SARDH: variants seen among roughly 807,000 people sequenced by gnomAD.
SARDH encodes sarcosine dehydrogenase, mitochondrial.
SARDH carries 95 observed loss-of-function variants against 109.1 expected under a neutral mutation model. The ratio of observed to expected loss-of-function variants is 0.87; its 90% CI spans 0.74 to 1.03. The LOEUF (loss-of-function observed/expected upper bound fraction) is 1.03, where lower values mean the gene tolerates loss of function less well. Among genes scored for constraint, SARDH ranks in the 50% least tolerant of loss-of-function variants. The pLI, the probability that SARDH is intolerant of heterozygous loss-of-function variation, is 0.00. For synonymous variants in SARDH, 572 were observed against 534.8 expected (o/e 1.07, Z -0.96); for missense variants, 1,267 against 1,287.8 (o/e 0.98, Z 0.25).
At chr9:133,708,011 A>C (rs1831760064) in intron 11 of SARDH, among the ~76,000 whole-genome samples, 1 of 151,996 alleles carries the variant, frequency 6.6e-6, no homozygotes. Flanking sequence ...AGCAGTTGGC[A>C]GGGGGCGGTT....
chr9:133,726,676 A>G (rs1832504340), intron 6 of SARDH, among the ~76,000 whole-genome samples: 1 of 152,234 alleles, frequency 6.6e-6, no homozygotes, highest in Non-Finnish European at 1.5e-5. Context: ...GGCTGTCCCC[A>G]GTCTGGCCCT....
intron 11 of SARDH, among the ~76,000 whole-genome samples, chr9:133,707,069 G>C (rs1831720653): frequency 6.6e-6 from 1 of 152,180 alleles, no homozygotes; most frequent in South Asian, 2.1e-4. Flanking sequence ...CATTAAAAGA[G>C]GGCAGGCTCC....
At chr9:133,734,266 C>T (rs1832790869) in intron 1 of SARDH, 63 bp from the exon 2 acceptor site, 6 of 1,195,832 alleles carry the variant, frequency 5.0e-6, no homozygotes, top group Non-Finnish European at 6.7e-6. Context: ...GTGCTGAGTA[C>T]CCAGGGAAAT....
chr9:133,732,278 C>T lies in SARDH; in HGVS notation c.510+145G>A, dbSNP rs1037059341. 20 of 634,656 alleles carry T rather than the reference C, an allele frequency of 3.2e-5. No individual in the cohort carries two copies. The Admixed American group carries it at 4.4e-4, about 14-fold the overall frequency. The allele number at this position is 634,656 out of a possible 1,614,324, so 39.3% of individuals were successfully genotyped here. ...CAGCCCCCCGCAGGGGATGCGCACA[C>T]GGACATGAACCCCCAGCGTACCTCC... On this transcript the variant is annotated intron_variant, in intron 3 of 20. Transcript: ENST00000439388.
chr9:133,684,026 C>T (rs1283595170), intron 17 of SARDH, among the ~76,000 whole-genome samples: 1 of 151,314 alleles, frequency 6.6e-6, no homozygotes, highest in African/African-American at 2.5e-5. Flanking sequence ...TAACATCCGT[C>T]ATGCAGGGCG....
upstream of SARDH, chr9:133,738,359 C>G (rs1486830352): frequency 6.6e-6 from 1 of 151,298 alleles, no homozygotes; most frequent in Admixed American, 6.6e-5. Flanking sequence ...CTCCAGGCCT[C>G]CCCCGCCCCC....
rs1280087233 is a variant in SARDH at position 133,712,635 on chromosome 9, G to T, written c.1312C>A (p.His438Asn). ...IIHGRPEKDM[H>N]GYDIRRFHHS... ...GGCACTTACCTGATGTCATAGCCAT[G>T]CATGTCCTTCTCCGGGCGCCCATGG... is the stretch of plus-strand genomic sequence containing the variant. The change falls in exon 10 of 21, where the codon CAT becomes AAT. Residue 438 changes from histidine (H) to asparagine (N), a missense_variant. Coordinates refer to ENST00000439388, the MANE Select transcript of SARDH (RefSeq NM_001134707.2). This position sits in a 1 kb window ranked among gnomAD's most constrained non-coding sequence, Gnocchi z 4.1. 2 of 1,609,698 alleles carry T rather than the reference G, an allele frequency of 1.2e-6. No homozygotes were observed. Among genetic ancestry groups the T allele is most frequent in the Non-Finnish European group, 1.7e-6 (2 of 1,179,874 alleles).
At chr9:133,683,009 G>A (rs1010456526) in intron 17 of SARDH, among the ~76,000 whole-genome samples, 1 of 152,244 alleles carries the variant, frequency 6.6e-6, no homozygotes. Context: ...ACTGTGGGGA[G>A]AGGCGGCCCC....
chr9:133,707,610 C>T (rs1831738802), intron 11 of SARDH, among the ~76,000 whole-genome samples: 1 of 152,294 alleles, frequency 6.6e-6, no homozygotes, highest in East Asian at 1.9e-4. Flanking sequence ...TCCATCTGTT[C>T]AACAAACATC....
At chr9:133,688,230 G>C (rs536916904) in intron 16 of SARDH, among the ~76,000 whole-genome samples, 12 of 152,302 alleles carry the variant, frequency 7.9e-5, no homozygotes, top group Middle Eastern at 3.4e-3. Context: ...CTGTGGGCCA[G>C]GCTGGGGACT....
At chr9:133,726,394 A>ATAATAATAATAATAATAATGG (rs59172198) in intron 6 of SARDH, among the ~76,000 whole-genome samples, 1 of 132,338 alleles carries the variant, frequency 7.6e-6, no homozygotes, top group Non-Finnish European at 1.6e-5. Context: ...AATAATAATA[A>ATAATAATAATAATAATAATGG]TAGTAGTAGT....
chr9:133,733,833 C>G lies in SARDH; in HGVS notation c.331+10G>C. 2.1e-6 allele frequency: 3 copies of G among 1,451,034 alleles called. No homozygotes were observed. Among genetic ancestry groups the G allele is most frequent in the Non-Finnish European group, 2.7e-6 (3 of 1,099,074 alleles). The allele number at this position is 1,451,034 out of a possible 1,614,324, so 89.9% of individuals were successfully genotyped here. A position where few individuals can be genotyped will look rare whatever the true frequency, so the allele number is the denominator to read the frequency against. On this transcript the variant is annotated intron_variant, in intron 2 of 20. Coordinates refer to ENST00000439388, the MANE Select transcript of SARDH (RefSeq NM_001134707.2). ...TCCTTCCCTGCCCCTACCTGGCCCC[C>G]GGTCCCTACCTGCCGTGTGCCAGGT...
At chr9:133,717,164 A>G (rs992436580) in intron 8 of SARDH, among the ~76,000 whole-genome samples, 162 bp downstream of exon 8, 45 of 152,210 alleles carry the variant, frequency 3.0e-4, no homozygotes, top group African/African-American at 1.1e-3. Flanking sequence ...AATAAAGGCC[A>G]CACCTAGTAC....
rs1831767630 is a variant in SARDH, at chr9:133,708,147, A to T, written c.1470+140T>A. 32 of 970,996 alleles carry T rather than the reference A, an allele frequency of 3.3e-5. No homozygotes were observed. In the South Asian group the frequency reaches 5.5e-4, roughly 17 times the overall value. The allele number at this position is 970,996 out of a possible 1,614,324, so 60.1% of individuals were successfully genotyped here. ...GCCCAACACATGGGGGTGCCGGGTT[A>T]CTACCTGGGGAATGACAGACACCTT... On this transcript the variant is annotated intron_variant, in intron 11 of 20. Transcript: ENST00000439388.
intron 6 of SARDH, among the ~76,000 whole-genome samples, chr9:133,719,816 A>G (rs1832261710): frequency 6.6e-6 from 1 of 152,112 alleles, no homozygotes; most frequent in African/African-American, 2.4e-5. Context: ...CTCTCTCCTA[A>G]AAACAAAACC....
At chr9:133,691,169 AACACACACACAC>A (rs3081171) in intron 15 of SARDH, among the ~76,000 whole-genome samples, 348 of 112,184 alleles carry the variant, frequency 3.1e-3, no homozygotes, top group African/African-American at 8.2e-3. Context: ...CACCTCCCCC[AACACACACACAC>A]ACACACACAC....
At chr9:133,701,930 C>A (rs2131412349) in intron 13 of SARDH, among the ~76,000 whole-genome samples, 1 of 152,338 alleles carries the variant, frequency 6.6e-6, no homozygotes, top group Non-Finnish European at 1.5e-5. Flanking sequence ...GACAGCACAG[C>A]ATGAACCCAA....
At chr9:133,668,444 A>G (rs1249394760) in intron 19 of SARDH, among the ~76,000 whole-genome samples, 1 of 11,270 alleles carries the variant, frequency 8.9e-5, no homozygotes, top group Admixed American at 1.2e-3. Flanking sequence ...CCTCTCCCTT[A>G]CCCTCCCTCT....
At chr9:133,699,865 T>C (rs1831419553) in intron 13 of SARDH, among the ~76,000 whole-genome samples, 1 of 152,202 alleles carries the variant, frequency 6.6e-6, no homozygotes, top group Non-Finnish European at 1.5e-5. Flanking sequence ...CCTCGTTATA[T>C]ACCCATAAGA....
Sources: allele counts gnomAD v4.1 joint callset (sites outside exome capture counted in the v4.1 genomes callset), GRCh38; gene constraint gnomAD v4.1.1; non-coding constraint Gnocchi (gnomAD v3.1); transcripts MANE v1.5; gene names NCBI Gene and HGNC (gene_info 2026-07-23, HGNC 2026-07-21).